LDB2: variants seen among roughly 807,000 people sequenced by gnomAD.
LDB2 encodes LIM domain-binding protein 2.
LDB2 carries 12 observed loss-of-function variants against 44.3 expected under a neutral mutation model. The ratio of observed to expected loss-of-function variants is 0.27; its 90% CI spans 0.17 to 0.44. The LOEUF (loss-of-function observed/expected upper bound fraction) is 0.44, where lower values mean the gene tolerates loss of function less well. Ranked by LOEUF, LDB2 falls within the 20% of genes least tolerant of loss-of-function variation. LDB2 has a pLI of 1.00. For synonymous variants in LDB2, 164 were observed against 174.8 expected (o/e 0.94, Z 0.49); for missense variants, 344 against 473.5 (o/e 0.73, Z 2.54).
chr4:16,839,203 A>AAAG (rs34291108), intron 1 of LDB2, among the ~76,000 whole-genome samples: 96,143 of 151,814 alleles, frequency 0.63, 30,554 homozygotes, highest in Middle Eastern at 0.73. Flanking sequence ...AGTTATTTAT[A>AAAG]AAGAAGGTTT....
At chr4:16,848,083 A>G (rs981448885) in intron 1 of LDB2, among the ~76,000 whole-genome samples, 1 of 152,258 alleles carries the variant, frequency 6.6e-6, no homozygotes, top group Admixed American at 6.5e-5. Context: ...GAATGCTGAA[A>G]GGTATTTATT....
intron 5 of LDB2, among the ~76,000 whole-genome samples, chr4:16,584,717 C>A (rs1577987859): frequency 6.6e-6 from 1 of 152,222 alleles, no homozygotes; most frequent in Non-Finnish European, 1.5e-5. Context: ...ACAGGTCTGA[C>A]CTCAGTCTTC....
At chr4:16,687,657 C>A (rs1295545046) in intron 2 of LDB2, among the ~76,000 whole-genome samples, 1 of 152,134 alleles carries the variant, frequency 6.6e-6, no homozygotes, top group Non-Finnish European at 1.5e-5. Flanking sequence ...CCCATATCAA[C>A]TAATGTGCTA....
chr4:16,844,248 CAAAAAAAAAAA>C (rs34034796), intron 1 of LDB2, among the ~76,000 whole-genome samples: 1 of 30,060 alleles, frequency 3.3e-5, no homozygotes, highest in Non-Finnish European at 5.6e-5. Context: ...ACCCTGTCTC[CAAAAAAAAAAA>C]AAAAAAAAAA....
chr4:16,741,537 C>A (rs1169355313), intron 2 of LDB2: 1 of 152,232 alleles, frequency 6.6e-6, no homozygotes, highest in African/African-American at 2.4e-5. Context: ...GCATAAGAAC[C>A]TGTAGATCAG....
intron 1 of LDB2, among the ~76,000 whole-genome samples, chr4:16,850,058 T>C (rs893339010): frequency 1.3e-5 from 2 of 152,216 alleles, no homozygotes; most frequent in African/African-American, 4.8e-5. Context: ...AGAGGTGATA[T>C]GCTATAAACA....
At chr4:16,578,141 G>A (rs963276264) in intron 5 of LDB2, among the ~76,000 whole-genome samples, 3 of 152,092 alleles carry the variant, frequency 2.0e-5, no homozygotes, top group African/African-American at 4.8e-5. Flanking sequence ...AACTCTCCAC[G>A]ACTTTGGACT....
chr4:16,671,422 C>T lies in LDB2; in HGVS notation c.236-75547G>A, dbSNP rs73132705. On this transcript the variant is annotated intron_variant, in intron 2 of 7. Transcript: ENST00000304523. ...AAAACTTTCATGCAGCCTCTAGCTC[C>T]TGATGTGCAGGCTACTGTCACCCCC... Among the ~76,000 whole-genome samples, 781 of 152,204 alleles carry T rather than the reference C, an allele frequency of 5.1e-3. 6 individuals are homozygous for T. Among genetic ancestry groups the T allele is most frequent in the African/African-American group, 0.018 (744 of 41,520 alleles).
intron 7 of LDB2, 147 bp downstream of exon 7, chr4:16,508,388 C>A (rs1031814576): frequency 1.5e-6 from 1 of 655,506 alleles, no homozygotes; most frequent in Non-Finnish European, 2.3e-6. Flanking sequence ...CCCATCCCAA[C>A]CTCTGTCCCT....
At chr4:16,738,690 C>G (rs188075639) in intron 2 of LDB2, among the ~76,000 whole-genome samples, 7 of 152,288 alleles carry the variant, frequency 4.6e-5, no homozygotes, top group African/African-American at 1.7e-4. Context: ...AAATCTGGTT[C>G]ACATGTATTA....
chr4:16,654,705 G>A (rs1352726171), intron 2 of LDB2, among the ~76,000 whole-genome samples: 1 of 152,166 alleles, frequency 6.6e-6, no homozygotes, highest in African/African-American at 2.4e-5. Context: ...ACATTGATAT[G>A]TGAAAGAATA....
chr4:16,760,560 A>T (rs1418128402), intron 1 of LDB2, among the ~76,000 whole-genome samples: 3 of 152,150 alleles, frequency 2.0e-5, no homozygotes, highest in Non-Finnish European at 4.4e-5. Flanking sequence ...TCCACGTACA[A>T]AGTACTCTGC....
intron 1 of LDB2, among the ~76,000 whole-genome samples, chr4:16,821,260 T>C (rs1781909174): frequency 6.6e-6 from 1 of 152,244 alleles, no homozygotes; most frequent in Admixed American, 6.5e-5. Context: ...CTAGCTATCC[T>C]GAGAGTTTCA....
chr4:16,782,829 T>C (rs1234993570), intron 1 of LDB2, among the ~76,000 whole-genome samples: 2 of 152,142 alleles, frequency 1.3e-5, no homozygotes, highest in African/African-American at 2.4e-5. Context: ...TTGAACCTTG[T>C]TATCTAGAGG....
In LDB2 at chr4:16,575,779, C is replaced by A. The variant is rs750317422; in HGVS notation, c.615+10143G>T. ...TTGAGACGGAGTCTCGCTCTGTTGCCTAGGCTGGAATGCAGCGGCACAATC... is the reference window on the plus strand; with the variant it reads ...TTGAGACGGAGTCTCGCTCTGTTGCATAGGCTGGAATGCAGCGGCACAATC... On this transcript the variant is annotated intron_variant, in intron 5 of 7. Transcript: ENST00000304523. Among the ~76,000 whole-genome samples the A allele has an allele frequency of 7.4e-4, 113 of 152,358 alleles. 1 individual carries two copies. The highest frequency in any genetic ancestry group is 1.5e-3 in the Non-Finnish European group (103 of 68,040).
intron 1 of LDB2, among the ~76,000 whole-genome samples, chr4:16,811,400 CT>C (rs1220149626): frequency 6.6e-6 from 1 of 152,150 alleles, no homozygotes; most frequent in Non-Finnish European, 1.5e-5. Context: ...ATAGAACCAC[CT>C]TTGAATTATT....
intron 5 of LDB2, among the ~76,000 whole-genome samples, chr4:16,545,837 C>G (rs930060709): frequency 6.6e-6 from 1 of 152,210 alleles, no homozygotes; most frequent in Non-Finnish European, 1.5e-5. Flanking sequence ...TTTCACATTT[C>G]TAACATGCCC....
chr4:16,508,267 G>T (rs374986509), intron 7 of LDB2, among the ~76,000 whole-genome samples: 1 of 152,236 alleles, frequency 6.6e-6, no homozygotes, highest in African/African-American at 2.4e-5. Flanking sequence ...CATATCTCCT[G>T]TCTGTGACTC....
intron 1 of LDB2, among the ~76,000 whole-genome samples, chr4:16,799,441 G>A (rs1217773119): frequency 1.3e-5 from 2 of 152,212 alleles, no homozygotes; most frequent in African/African-American, 4.8e-5. Flanking sequence ...TCCTCTGCCA[G>A]TGACAAATAC....
Sources: gnomAD v4.1 joint callset for allele counts (sites outside exome capture counted in the v4.1 genomes callset) on GRCh38, gnomAD v4.1.1 for gene constraint, MANE v1.5 for transcripts, NCBI Gene and HGNC (gene_info 2026-07-23, HGNC 2026-07-21) for gene names.